Variants in MARCHF1 observed in about 807,000 individuals in gnomAD.
MARCHF1 encodes the protein membrane associated ring-CH-type finger 1.
In MARCHF1, 40 loss-of-function variants were observed where a neutral mutation model predicts 54.2. The ratio of observed to expected loss-of-function variants is 0.74; its 90% CI spans 0.57 to 0.96. The LOEUF is 0.96. Ranked by LOEUF, MARCHF1 falls within the 40% of genes least tolerant of loss-of-function variation. MARCHF1 has a pLI of 0.00. For missense variants in MARCHF1, 586 were observed against 656.5 expected (o/e 0.89, Z 1.17); for synonymous variants, 236 against 236.3 (o/e 1.00, Z 0.01).
At chr4:163,665,888 CAGAGGTT>C (rs1247366343) in intron 5 of MARCHF1, among the ~76,000 whole-genome samples, 1 of 152,106 alleles carries the variant, frequency 6.6e-6, no homozygotes, top group East Asian at 1.9e-4. Context: ...GATAATCTCT[CAGAGGTT>C]AGAGTTTTTG....
At chr4:163,637,102 G>T (rs1320951899) in intron 5 of MARCHF1, among the ~76,000 whole-genome samples, 1 of 150,878 alleles carries the variant, frequency 6.6e-6, no homozygotes, top group East Asian at 1.9e-4. Flanking sequence ...AATTCAAGAT[G>T]GATTAAAGAC....
chr4:164,101,485 A>AC (rs927063421), intron 2 of MARCHF1, among the ~76,000 whole-genome samples: 62 of 123,080 alleles, frequency 5.0e-4, no homozygotes, highest in Middle Eastern at 7.0e-3. Context: ...ACTGGGAGGC[A>AC]CCCCCCAGCA....
chr4:163,840,764 G>A (rs1222959683), intron 4 of MARCHF1, among the ~76,000 whole-genome samples: 2 of 151,958 alleles, frequency 1.3e-5, no homozygotes, highest in Admixed American at 1.3e-4. Flanking sequence ...TTGACCTTAA[G>A]TGTTCTCACC....
intron 2 of MARCHF1, among the ~76,000 whole-genome samples, chr4:164,038,863 AATTT>A (rs1294355907): frequency 6.6e-6 from 1 of 152,160 alleles, no homozygotes; most frequent in Non-Finnish European, 1.5e-5. Context: ...TTTATTACCA[AATTT>A]ATTATCTTCA....
chr4:163,680,342 C>T (rs527320168), intron 5 of MARCHF1, among the ~76,000 whole-genome samples: 6 of 152,312 alleles, frequency 3.9e-5, no homozygotes, highest in Middle Eastern at 3.4e-3. Flanking sequence ...TACCACAGTC[C>T]AATTTGGATC....
At chr4:164,062,276 C>T (rs991821798) in intron 2 of MARCHF1, among the ~76,000 whole-genome samples, 2 of 152,124 alleles carry the variant, frequency 1.3e-5, no homozygotes, top group Admixed American at 1.3e-4. Flanking sequence ...TCTCTACCAC[C>T]ACTACAGTTA....
intron 3 of MARCHF1, among the ~76,000 whole-genome samples, chr4:163,964,080 G>A (rs1239859726): frequency 6.6e-6 from 1 of 151,928 alleles, no homozygotes; most frequent in Non-Finnish European, 1.5e-5. Flanking sequence ...CTCGAACAGG[G>A]TAATAACCTA....
chr4:163,921,083 C>T (rs1268590195), intron 3 of MARCHF1, among the ~76,000 whole-genome samples: 1 of 152,054 alleles, frequency 6.6e-6, no homozygotes, highest in Non-Finnish European at 1.5e-5. Flanking sequence ...GAAACTGATA[C>T]CAAATGTCTG....
chr4:163,700,994 T>C, intron 4 of MARCHF1, 131 bp from the exon 5 acceptor site: 1 of 605,982 alleles, frequency 1.7e-6, no homozygotes. Flanking sequence ...CTAATACACA[T>C]ATTAATTGCT....
At chr4:163,875,748 G>C (rs1750274028) in intron 3 of MARCHF1, among the ~76,000 whole-genome samples, 1 of 152,150 alleles carries the variant, frequency 6.6e-6, no homozygotes, top group Admixed American at 6.5e-5. Flanking sequence ...AGACTCTCAT[G>C]CAACAATACA....
intron 4 of MARCHF1, among the ~76,000 whole-genome samples, chr4:163,838,828 G>A (rs986654910): frequency 1.3e-5 from 2 of 151,962 alleles, no homozygotes; most frequent in Admixed American, 1.3e-4. Flanking sequence ...GTAAATCTTT[G>A]TGATCTTTGG....
intron 4 of MARCHF1, among the ~76,000 whole-genome samples, chr4:163,764,127 T>C (rs189584830): frequency 5.3e-5 from 8 of 152,206 alleles, no homozygotes; most frequent in African/African-American, 1.9e-4. Context: ...CTGAATGATA[T>C]ATTCCTTGAG....
intron 2 of MARCHF1, among the ~76,000 whole-genome samples, chr4:164,065,254 G>T (rs1430160988): frequency 6.6e-6 from 1 of 152,068 alleles, no homozygotes; most frequent in Non-Finnish European, 1.5e-5. Context: ...CATCTGGTAG[G>T]ATTCAGCTAT....
intron 4 of MARCHF1, among the ~76,000 whole-genome samples, chr4:163,786,050 C>A (rs1747609451): frequency 6.6e-6 from 1 of 151,884 alleles, no homozygotes; most frequent in Non-Finnish European, 1.5e-5. Flanking sequence ...ATGTGGGTAG[C>A]CTCAACAGCT....
At chr4:163,993,454 G>A (rs1753006256) in intron 2 of MARCHF1, among the ~76,000 whole-genome samples, 1 of 152,174 alleles carries the variant, frequency 6.6e-6, no homozygotes, top group Non-Finnish European at 1.5e-5. Flanking sequence ...TAATGGATCA[G>A]ATGAATTCTT....
In MARCHF1 at chr4:164,153,068, G is replaced by A. The variant is rs142770007; in HGVS notation, c.-322-41406C>T. The stretch of plus-strand genomic sequence containing the variant: ...CATGAGCCATGATCACTCATATTTA[G>A]TGCAGAATAAATCTTTTCAAATATT... On this transcript the variant is annotated intron_variant, in intron 1 of 9. Coordinates refer to ENST00000514618, the MANE Select transcript of MARCHF1 (RefSeq NM_001394959.1). Among the ~76,000 whole-genome samples, 898 of 152,196 alleles carry A rather than the reference G, an allele frequency of 5.9e-3. 9 individuals are homozygous for A. Among genetic ancestry groups the A allele is most frequent in the African/African-American group, 0.021 (857 of 41,532 alleles).
intron 4 of MARCHF1, among the ~76,000 whole-genome samples, chr4:163,740,132 T>C (rs1225222648): frequency 2.0e-5 from 3 of 152,182 alleles, no homozygotes; most frequent in African/African-American, 7.2e-5. Flanking sequence ...AGCAGAGTTT[T>C]AGCTCTTGAT....
At chr4:164,222,753 T>G (rs893614597) in intron 1 of MARCHF1, among the ~76,000 whole-genome samples, 1 of 152,072 alleles carries the variant, frequency 6.6e-6, no homozygotes, top group African/African-American at 2.4e-5. Context: ...TAATGAGTAA[T>G]GATTTCTCAG....
chr4:164,029,005 T>C (rs1753824469), intron 2 of MARCHF1, among the ~76,000 whole-genome samples: 1 of 152,210 alleles, frequency 6.6e-6, no homozygotes. Flanking sequence ...AATATGATAC[T>C]TGAGGTGATT....
Sources: gnomAD v4.1 joint callset for allele counts (sites outside exome capture counted in the v4.1 genomes callset) on GRCh38, gnomAD v4.1.1 for gene constraint, MANE v1.5 for transcripts, NCBI Gene and HGNC (gene_info 2026-07-23, HGNC 2026-07-21) for gene names.